Variants in PRKG1 observed in about 807,000 individuals in gnomAD.
The protein encoded by PRKG1 is cGMP-dependent protein kinase 1.
PRKG1 carries 35 observed loss-of-function variants against 88.1 expected under a neutral mutation model. The observed-to-expected ratio is 0.40, with a 90% CI of 0.30 to 0.53. The LOEUF is 0.53. Ranked by LOEUF, PRKG1 falls within the 20% of genes least tolerant of loss-of-function variation. The probability of loss-of-function intolerance (pLI) is 0.59; values close to 1 mark genes in which losing one functional copy is unlikely to be tolerated. For synonymous variants in PRKG1, 303 were observed against 292.5 expected (o/e 1.04, Z -0.37); for missense variants, 540 against 839.8 (o/e 0.64, Z 4.41).
intron 8 of PRKG1, among the ~76,000 whole-genome samples, chr10:52,148,198 G>T (rs142744602): frequency 6.6e-6 from 1 of 152,184 alleles, no homozygotes; most frequent in Non-Finnish European, 1.5e-5. Context: ...TCTCATCTAG[G>T]TAACATTGGC....
chr10:51,906,231 C>G (rs748533944), intron 4 of PRKG1, among the ~76,000 whole-genome samples: 2 of 152,100 alleles, frequency 1.3e-5, no homozygotes, highest in Non-Finnish European at 2.9e-5. Context: ...AGCAGACTAA[C>G]AGAGGAGAGA....
intron 3 of PRKG1, among the ~76,000 whole-genome samples, chr10:51,763,603 CAAA>C (rs34657565): frequency 3.9e-4 from 48 of 124,020 alleles, no homozygotes; most frequent in Non-Finnish European, 4.6e-4. Flanking sequence ...TGATCAAATG[CAAA>C]AAAAAAAAAA....
chr10:51,672,035 AAACT>A (rs144225531), intron 3 of PRKG1, among the ~76,000 whole-genome samples: 20,788 of 152,118 alleles, frequency 0.14, 1,493 homozygotes, highest in South Asian at 0.17. Flanking sequence ...GCCTTTTTGT[AAACT>A]ATCTATTTAT....
rs111650383 is a variant in PRKG1 at position 51,529,870 on chromosome 10, T to C, written c.592+62034T>C. Among the ~76,000 whole-genome samples, 622 of 152,370 alleles carry C rather than the reference T, an allele frequency of 4.1e-3. 4 individuals carry two copies. The highest frequency in any genetic ancestry group is 0.014 in the African/African-American group (584 of 41,592). On this transcript the variant is annotated intron_variant, in intron 3 of 17. Transcript: ENST00000373980. ...AAGGGATGGTTATTGTAGCGGAGTT[T>C]GTCACTTTATAATTCCAATCTAATG...
chr10:51,793,769 T>A (rs1198566821), intron 3 of PRKG1, among the ~76,000 whole-genome samples: 2 of 152,054 alleles, frequency 1.3e-5, no homozygotes, highest in Non-Finnish European at 2.9e-5. Flanking sequence ...TAAAATACAT[T>A]TTTGTTTTTT....
chr10:51,710,962 G>GCT (rs1225074654), intron 3 of PRKG1, among the ~76,000 whole-genome samples: 1 of 152,164 alleles, frequency 6.6e-6, no homozygotes, highest in Non-Finnish European at 1.5e-5. Flanking sequence ...TCCCGAAGGT[G>GCT]CTGTGATTAC....
chr10:51,040,266 G>GTC (rs1843402858), intron 1 of PRKG1, among the ~76,000 whole-genome samples: 1 of 143,322 alleles, frequency 7.0e-6, no homozygotes, highest in Admixed American at 7.0e-5. Context: ...GTGTGTGTGT[G>GTC]TGTGTGACCT....
chr10:51,523,669 C>T (rs913375029), intron 3 of PRKG1, among the ~76,000 whole-genome samples: 1 of 152,138 alleles, frequency 6.6e-6, no homozygotes, highest in African/African-American at 2.4e-5. Context: ...AGATTATGGA[C>T]ATAGCTAAAA....
At chr10:51,453,731 T>G (rs293271) in intron 2 of PRKG1, among the ~76,000 whole-genome samples, 53,147 of 151,690 alleles carry the variant, frequency 0.35, 10,558 homozygotes, top group African/African-American at 0.51. Flanking sequence ...ACCTATCCTA[T>G]GGTCCATCTT....
At chr10:51,223,603 A>T (rs948257936) in intron 2 of PRKG1, among the ~76,000 whole-genome samples, 2 of 152,218 alleles carry the variant, frequency 1.3e-5, no homozygotes, top group African/African-American at 4.8e-5. Context: ...ACCACATAAG[A>T]TGTATATTTC....
chr10:51,251,582 GA>G (rs1003986433), intron 2 of PRKG1, among the ~76,000 whole-genome samples: 1 of 149,048 alleles, frequency 6.7e-6, no homozygotes, highest in East Asian at 1.9e-4. Flanking sequence ...CAACTTATAT[GA>G]AGAAATCTTT....
At chr10:51,398,436 C>T (rs763353593) in intron 2 of PRKG1, among the ~76,000 whole-genome samples, 3 of 152,180 alleles carry the variant, frequency 2.0e-5, no homozygotes, top group Non-Finnish European at 4.4e-5. Context: ...CGGTTCCTAA[C>T]AGGTCATGGA....
intron 7 of PRKG1, among the ~76,000 whole-genome samples, chr10:52,088,468 T>A (rs895539768): frequency 3.9e-5 from 6 of 152,148 alleles, no homozygotes; most frequent in Admixed American, 2.0e-4. Flanking sequence ...GAATTCCCAA[T>A]ACAACAGTAC....
At chr10:51,163,711 C>T (rs527837177) in intron 2 of PRKG1, among the ~76,000 whole-genome samples, 7 of 152,300 alleles carry the variant, frequency 4.6e-5, no homozygotes, top group Non-Finnish European at 8.8e-5. Flanking sequence ...GCTTTTCCGA[C>T]GGGCTTAAAA....
At chr10:51,093,126 G>A (rs1844438189) in intron 1 of PRKG1, among the ~76,000 whole-genome samples, 2 of 152,118 alleles carry the variant, frequency 1.3e-5, no homozygotes, top group African/African-American at 2.4e-5. Flanking sequence ...TAGAGACCCT[G>A]CGGTTCTCAA....
intron 2 of PRKG1, among the ~76,000 whole-genome samples, chr10:51,426,534 G>A (rs1482395210): frequency 6.6e-6 from 1 of 152,172 alleles, no homozygotes; most frequent in African/African-American, 2.4e-5. Context: ...GCTAGAGATA[G>A]AGAGATATCA....
chr10:51,581,958 G>T (rs1434570830), intron 3 of PRKG1, among the ~76,000 whole-genome samples: 1 of 151,888 alleles, frequency 6.6e-6, no homozygotes, highest in East Asian at 1.9e-4. Context: ...GGCTGGTCCT[G>T]CCTTTTAAAT....
chr10:52,180,623 G>A (rs528027412), intron 9 of PRKG1, among the ~76,000 whole-genome samples: 9 of 152,298 alleles, frequency 5.9e-5, no homozygotes, highest in African/African-American at 2.2e-4. Flanking sequence ...TGTAGTCTCC[G>A]TGTAGTTTCT....
At chr10:51,960,883 C>T (rs1050023870) in intron 5 of PRKG1, among the ~76,000 whole-genome samples, 2 of 152,094 alleles carry the variant, frequency 1.3e-5, no homozygotes, top group African/African-American at 4.8e-5. Context: ...TTAGATTGTT[C>T]CCACATATTG....
Sources: gnomAD v4.1 joint callset for allele counts (sites outside exome capture counted in the v4.1 genomes callset) on GRCh38, gnomAD v4.1.1 for gene constraint, MANE v1.5 for transcripts, NCBI Gene and HGNC (gene_info 2026-07-23, HGNC 2026-07-21) for gene names.